ZC3H3: variants seen among roughly 807,000 people sequenced by gnomAD.
ZC3H3 encodes the protein zinc finger CCCH domain-containing protein 3.
In ZC3H3, 36 loss-of-function variants were observed where a neutral mutation model predicts 77.3. The ratio of observed to expected loss-of-function variants is 0.47; its 90% CI spans 0.36 to 0.61. The LOEUF is 0.61. Ranked by LOEUF, ZC3H3 falls within the 20% of genes least tolerant of loss-of-function variation. ZC3H3 has a pLI of 0.00. For missense variants in ZC3H3, 1,331 were observed against 1,312.2 expected, an observed-to-expected ratio of 1.01 and a Z score of -0.22; for synonymous variants, 626 against 555.2, an observed-to-expected ratio of 1.13 and a Z score of -1.79.
chr8:143,478,023 C>T (rs1820787797), intron 4 of ZC3H3, among the ~76,000 whole-genome samples: 1 of 152,178 alleles, frequency 6.6e-6, no homozygotes, highest in Non-Finnish European at 1.5e-5. Flanking sequence ...TCGGGGGAAG[C>T]ACCCAATCCT....
intron 4 of ZC3H3, among the ~76,000 whole-genome samples, chr8:143,481,541 C>T (rs979021603): frequency 6.6e-6 from 1 of 152,254 alleles, no homozygotes; most frequent in African/African-American, 2.4e-5. Context: ...CCGCCAGGGG[C>T]TCCACAGCAG....
chr8:143,486,224 C>T (rs1257856425), intron 4 of ZC3H3, among the ~76,000 whole-genome samples: 2 of 152,246 alleles, frequency 1.3e-5, no homozygotes, highest in South Asian at 2.1e-4. Context: ...AATGAGTTCC[C>T]GCCAGGCGCG....
intron 4 of ZC3H3, among the ~76,000 whole-genome samples, chr8:143,502,504 A>C (rs904154917): frequency 3.3e-5 from 5 of 152,272 alleles, no homozygotes; most frequent in Non-Finnish European, 7.3e-5. Context: ...TTTACCGCAC[A>C]GACACAAACT....
rs182742960 is a variant in ZC3H3 at position 143,477,704 on chromosome 8, C to G, written c.1716-2119G>C. Among the ~76,000 whole-genome samples the G allele has an allele frequency of 1.6e-4, 24 of 152,334 alleles. No individual in the cohort carries two copies. The East Asian group carries it at 4.2e-3, about 27-fold the overall frequency. On this transcript the variant is annotated intron_variant, in intron 4 of 11. Transcript: ENST00000262577. The stretch of plus-strand genomic sequence containing the variant: ...CTTCCACAGGAGCTACGGCCACTAC[C>G]TGGGGGACACTCAGCTTGACCCCAA...
At chr8:143,522,260 C>A (rs1822270927) in intron 3 of ZC3H3, among the ~76,000 whole-genome samples, 1 of 152,234 alleles carries the variant, frequency 6.6e-6, no homozygotes, top group African/African-American at 2.4e-5. Flanking sequence ...CCTCACAGCA[C>A]AGAAGACTCC....
chr8:143,513,559 C>G (rs1279895042), intron 3 of ZC3H3, among the ~76,000 whole-genome samples: 1 of 152,246 alleles, frequency 6.6e-6, no homozygotes, highest in African/African-American at 2.4e-5. Flanking sequence ...TCCAACAGAG[C>G]ATGTGGCCCA....
intron 3 of ZC3H3, chr8:143,523,490 A>C (rs1822316658): frequency 1.0e-6 from 1 of 985,442 alleles, no homozygotes; most frequent in Admixed American, 6.1e-5. Context: ...TGCAAGCTCC[A>C]TGTGGCCCTA....
Position 143,463,646 on chromosome 8 carries a change from G to A in ZC3H3, c.2307+2071C>T, listed in dbSNP as rs530930959. On this transcript the variant is annotated intron_variant, in intron 9 of 11. Transcript: ENST00000262577. ...TCCCCCCAGCAAGACGTATCAGCCGGGGAGATCCCTTTGACAAGGATGGAG... is the reference window on the plus strand; with the variant it reads ...TCCCCCCAGCAAGACGTATCAGCCGAGGAGATCCCTTTGACAAGGATGGAG... Among the ~76,000 whole-genome samples, 55 of 152,322 alleles carry A rather than the reference G, an allele frequency of 3.6e-4. 1 individual carries two copies. The highest frequency in any genetic ancestry group is 2.5e-3 in the Admixed American group (38 of 15,296).
chr8:143,541,345 G>C (rs552323107), intron 1 of ZC3H3, 31 bp downstream of exon 1: 3 of 1,605,558 alleles, frequency 1.9e-6, no homozygotes, highest in Admixed American at 1.7e-5. Context: ...GGAAAGAAGG[G>C]GACTCGCGTC....
chr8:143,473,905 G>A (rs1459655721), intron 5 of ZC3H3, among the ~76,000 whole-genome samples: 2 of 152,152 alleles, frequency 1.3e-5, no homozygotes, highest in Non-Finnish European at 1.5e-5. Flanking sequence ...GACTGCTGGA[G>A]AGAAGCCCGA....
chr8:143,528,431 C>G (rs1161413346), intron 3 of ZC3H3, among the ~76,000 whole-genome samples: 2 of 152,354 alleles, frequency 1.3e-5, no homozygotes, highest in South Asian at 2.1e-4. Flanking sequence ...CAGGGCTCCA[C>G]CCATGCCTCA....
chr8:143,469,793 G>T (rs1820513357), intron 5 of ZC3H3, among the ~76,000 whole-genome samples: 1 of 152,198 alleles, frequency 6.6e-6, no homozygotes, highest in Non-Finnish European at 1.5e-5. Context: ...GGCAGGACCA[G>T]CCTGCTGAGG....
At position 143,465,729 on chromosome 8, in the gene ZC3H3, G is replaced by A. The variant is rs1444893450; in HGVS notation, c.2295C>T (p.Pro765=). The A allele has an allele frequency of 2.5e-6, 4 of 1,613,858 alleles. No individual in the cohort carries two copies. The highest frequency in any genetic ancestry group is 3.4e-6 in the Non-Finnish European group (4 of 1,179,998). Residue 765 remains proline (P), a synonymous_variant, in exon 9 of 12, where the codon CCC becomes CCT. Transcript: ENST00000262577. Reference sequence around the variant, plus strand: ...ACAGACCACTCACCTTTGCACCCAGGGGGCAGTAGCCTTTGAGGAAGTCGC... The same window carrying A: ...ACAGACCACTCACCTTTGCACCCAGAGGGCAGTAGCCTTTGAGGAAGTCGC... The part of the protein sequence containing the change: ...VCSDFLKGYC[P]LGAKCKKKHT...
intron 5 of ZC3H3, among the ~76,000 whole-genome samples, chr8:143,469,386 C>T (rs1006187300): frequency 2.0e-5 from 3 of 152,214 alleles, no homozygotes; most frequent in Non-Finnish European, 4.4e-5. Context: ...GCCCGCTTGG[C>T]GGAGGCATCT....
At chr8:143,475,814 T>C (rs1015173027) in intron 4 of ZC3H3, among the ~76,000 whole-genome samples, 3 of 152,028 alleles carry the variant, frequency 2.0e-5, no homozygotes, top group African/African-American at 7.2e-5. Flanking sequence ...TTGGCCGTCA[T>C]CAGGGAACAC....
chr8:143,506,981 G>A (rs918002627), intron 4 of ZC3H3, among the ~76,000 whole-genome samples: 42 of 152,238 alleles, frequency 2.8e-4, no homozygotes, highest in Admixed American at 2.0e-3. Context: ...AGATTCCCGC[G>A]GGGAGGGTCA....
chr8:143,475,568 C>A lies in ZC3H3; in HGVS notation c.1733G>T (p.Arg578Leu). ...LSLSRSLVLN[R>L]LRPVASGGGK... is the part of the protein sequence containing the mutation. ...ACCCCCGCTGGCAACTGGACGCAGG[C>A]GGTTCAGCACCAGGGACCTGCAGAG... Residue 578 changes from arginine (R) to leucine (L), a missense_variant, in exon 5 of 12, where the codon CGC becomes CTC. Physicochemically the swap from Arg to Leu is moderately radical, Grantham distance 102 (BLOSUM62 -2). Transcript: ENST00000262577. 1.2e-6 allele frequency: 2 copies of A among 1,602,176 alleles called. No individual in the cohort carries two copies. The highest frequency in any genetic ancestry group is 1.7e-5 in the Admixed American group (1 of 58,016).
intron 4 of ZC3H3, among the ~76,000 whole-genome samples, chr8:143,505,453 T>C (rs554681470): frequency 1.4e-3 from 209 of 152,308 alleles, no homozygotes; most frequent in African/African-American, 4.8e-3. Flanking sequence ...CAGGCAGCCA[T>C]GCTGGGACGC....
chr8:143,491,531 C>CCA (rs1240741490), intron 4 of ZC3H3, among the ~76,000 whole-genome samples: 1 of 152,384 alleles, frequency 6.6e-6, no homozygotes, highest in Non-Finnish European at 1.5e-5. Flanking sequence ...ATCTTGAGCC[C>CCA]CACGGCTGGA....
Sources: allele counts gnomAD v4.1 joint callset (sites outside exome capture counted in the v4.1 genomes callset), GRCh38; gene constraint gnomAD v4.1.1; transcripts MANE v1.5; gene names NCBI Gene and HGNC (gene_info 2026-07-23, HGNC 2026-07-21).